Variants in POU5F1 observed in about 807,000 individuals in gnomAD.
POU5F1 encodes POU class 5 homeobox 1, also known as POU domain, class 5, transcription factor 1.
Under a neutral mutation model 38.3 loss-of-function variants are expected in POU5F1, and 6 were observed. That is an observed-to-expected ratio of 0.16 (90% CI 0.09 to 0.31). POU5F1 has a LOEUF of 0.31. Ranked by LOEUF, POU5F1 falls within the 10% of genes least tolerant of loss-of-function variation. The probability of loss-of-function intolerance (pLI) is 1.00; values close to 1 mark genes in which losing one functional copy is unlikely to be tolerated. For synonymous variants in POU5F1, 147 were observed against 194.9 expected (o/e 0.75, Z 2.05); for missense variants, 286 against 462.6 (o/e 0.62, Z 3.50).
chr6:31,169,915 G>A (rs1777535284), intron 1 of POU5F1: 3 of 535,246 alleles, frequency 5.6e-6, no homozygotes, highest in Middle Eastern at 5.0e-4. Context: ...TAGGAGATGT[G>A]AGAGACCCTG....
Position 31,165,515 on chromosome 6 carries a change from A to G in POU5F1, c.657+56T>C. On this transcript the variant is annotated intron_variant, in intron 3 of 4. Transcript: ENST00000259915. The surrounding 1 kb of genome is among the most constrained non-coding windows in gnomAD (Gnocchi z 6.5). ...AGAGCTACGAGCCAGTGATGGAAGC[A>G]ATGGAAATTAGGCCAAGAAAGGGAA... 6 of 1,611,166 alleles carry G rather than the reference A, an allele frequency of 3.7e-6. No individual in the cohort carries two copies. Among genetic ancestry groups the G allele is most frequent in the Admixed American group, 3.3e-5 (2 of 59,956 alleles).
In POU5F1 at chr6:31,165,473, C is replaced by A. The variant is rs1446066189; in HGVS notation, c.657+98G>T. The A allele has an allele frequency of 2.5e-6, 4 of 1,598,916 alleles. No homozygotes were observed. The Admixed American group carries it at 6.8e-5, about 27-fold the overall frequency. ...AATTTCACTCCATCCCACTGAGAAC[C>A]ACTGCACCAAAGACGGAGAGCTACG... On this transcript the variant is annotated intron_variant, in intron 3 of 4. Coordinates refer to ENST00000259915, the MANE Select transcript of POU5F1 (RefSeq NM_002701.6). This position sits in a 1 kb window ranked among gnomAD's most constrained non-coding sequence, Gnocchi z 6.5.
At position 31,165,961 on chromosome 6, in the gene POU5F1, C is replaced by T. The variant is rs1313084641; in HGVS notation, c.492G>A (p.Gln164=). Residue 164 remains glutamine (Q), a synonymous_variant, in exon 2 of 5, where the codon CAG becomes CAA. Coordinates refer to ENST00000259915, the MANE Select transcript of POU5F1 (RefSeq NM_002701.6). The surrounding 1 kb of genome is among the most constrained non-coding windows in gnomAD (Gnocchi z 6.5). ...CCCCCAGGGTGAGCCCCACATCGGC[C>T]TGTGTATATCCCAGGGTGATCCTCT... ...KQKRITLGYT[Q]ADVGLTLGVL... 1 of 1,614,198 alleles carries T rather than the reference C, an allele frequency of 6.2e-7. No individual in the cohort carries two copies. Among genetic ancestry groups the T allele is most frequent in the Non-Finnish European group, 8.5e-7 (1 of 1,180,030 alleles).
chr6:31,170,550 C>T lies in POU5F1; in HGVS notation c.71G>A (p.Gly24Glu). The stretch of plus-strand genomic sequence containing the variant: ...AGGATCAACCCAGCCCGGCTCCGGC[C>T]CCCCTGGCCCATCACCTCCACCACC... ...PPGGGGDGPGGPEPGWVDPRT... is the reference protein window; with the variant it reads ...PPGGGGDGPGEPEPGWVDPRT... Residue 24 changes from glycine to glutamate, a missense_variant, in exon 1 of 5, where the codon GGG (glycine) becomes GAG (glutamate). Gly to Glu is a moderately conservative substitution (Grantham distance 98, BLOSUM62 -2). Transcript: ENST00000259915. 1.3e-6 allele frequency: 2 copies of T among 1,571,040 alleles called. No individual in the cohort carries two copies. The highest frequency in any genetic ancestry group is 2.3e-5 in the East Asian group (1 of 42,636).
chr6:31,170,633 C>T lies in POU5F1; in HGVS notation c.-13G>A, dbSNP rs753905289. ...GGTGTCCCGCCATGGGGAAGGAAGG[C>T]GCCCCAAGCCGGGGGCCTGGTGAAA... is the stretch of plus-strand genomic sequence containing the variant. On this transcript the variant is annotated 5_prime_UTR_variant, in exon 1 of 5. Transcript: ENST00000259915. 21 of 1,542,478 alleles carry T rather than the reference C, an allele frequency of 1.4e-5. No homozygotes were observed. Among genetic ancestry groups the T allele is most frequent in the African/African-American group, 5.5e-5 (4 of 72,990 alleles).
rs758644856 is a variant in POU5F1, at chr6:31,170,426, C to CG, written c.194dup (p.Pro66AlafsTer3). ...CCATCCCCCCACAGAACTCATACGGCGGGGGGCATGGGGGAATCCCCCACA... is the reference window on the plus strand; with the variant it reads ...CCATCCCCCCACAGAACTCATACGGCGGGGGGGCATGGGGGAATCCCCCACA... On this transcript the variant is annotated frameshift_variant, in exon 1 of 5. Coordinates refer to ENST00000259915, the MANE Select transcript of POU5F1 (RefSeq NM_002701.6). LOFTEE classifies it high-confidence loss of function. 6.2e-7 allele frequency: 1 copy of CG among 1,611,870 alleles called. No individual in the cohort carries two copies. The highest frequency in any genetic ancestry group is 8.5e-7 in the Non-Finnish European group (1 of 1,179,616).
At chr6:31,166,114 T>C (rs1471798553) in intron 1 of POU5F1, 67 bp from the exon 2 acceptor site, 3 of 1,614,170 alleles carry the variant, frequency 1.9e-6, no homozygotes, top group Non-Finnish European at 2.5e-6. Flanking sequence ...CCCCTTTCCA[T>C]TCGGGATTCA....
At chr6:31,168,385 G>A (rs908032617) in intron 1 of POU5F1, among the ~76,000 whole-genome samples, 3 of 151,878 alleles carry the variant, frequency 2.0e-5, no homozygotes, top group Non-Finnish European at 4.4e-5. Flanking sequence ...ACAGGCATGC[G>A]TCACCACGCC....
At chr6:31,168,344 T>C (rs1450610556) in intron 1 of POU5F1, among the ~76,000 whole-genome samples, 1 of 151,616 alleles carries the variant, frequency 6.6e-6, no homozygotes, top group East Asian at 1.9e-4. Context: ...CAAGCGATTC[T>C]CCTGCCTCAG....
At position 31,165,434 on chromosome 6, in the gene POU5F1, CA is replaced by C. The variant is rs1218698243; in HGVS notation, c.657+136del. 5 of 1,568,976 alleles carry C rather than the reference CA, an allele frequency of 3.2e-6. No homozygotes were observed. Among genetic ancestry groups the C allele is most frequent in the Non-Finnish European group, 3.5e-6 (4 of 1,155,580 alleles). Reference sequence around the variant, plus strand: ...GAAGGGTTGGCTCTGGACCTTATCCCAGCAGAACTGAGGAATTTCACTCCAT... The same window carrying C: ...GAAGGGTTGGCTCTGGACCTTATCCCGCAGAACTGAGGAATTTCACTCCAT... On this transcript the variant is annotated intron_variant, in intron 3 of 4. Transcript: ENST00000259915. This position sits in a 1 kb window ranked among gnomAD's most constrained non-coding sequence, Gnocchi z 6.5.
At chr6:31,168,769 C>T (rs186055865) in intron 1 of POU5F1, among the ~76,000 whole-genome samples, 10 of 152,146 alleles carry the variant, frequency 6.6e-5, no homozygotes, top group East Asian at 1.9e-4. Context: ...ACAGAAAACG[C>T]GGTAGTCATC....
intron 1 of POU5F1, chr6:31,166,324 A>G (rs1252825210): frequency 5.5e-6 from 8 of 1,454,626 alleles, no homozygotes; most frequent in Non-Finnish European, 7.3e-6. Context: ...AAAGGACAGA[A>G]AGAGAGACCC....
At position 31,165,743 on chromosome 6, in the gene POU5F1, C is replaced by G. The variant is rs756724092; in HGVS notation, c.527-42G>C. The G allele has an allele frequency of 1.3e-6, 2 of 1,585,154 alleles. No individual in the cohort carries two copies. The highest frequency in any genetic ancestry group is 8.6e-7 in the Non-Finnish European group (1 of 1,164,660). On this transcript the variant is annotated intron_variant, in intron 2 of 4. Coordinates refer to ENST00000259915, the MANE Select transcript of POU5F1 (RefSeq NM_002701.6). The surrounding 1 kb of genome is among the most constrained non-coding windows in gnomAD (Gnocchi z 6.5). ...AAAAGAGAAGCAAAGTGAGGGAGCACGCAGGGCCCTTGTGACCCTGAGATC... is the reference window on the plus strand; with the variant it reads ...AAAAGAGAAGCAAAGTGAGGGAGCAGGCAGGGCCCTTGTGACCCTGAGATC...
intron 1 of POU5F1, chr6:31,167,035 CG>C: frequency 4.8e-6 from 3 of 621,146 alleles, no homozygotes; most frequent in Non-Finnish European, 8.4e-6. Flanking sequence ...AGAGATTTAT[CG>C]AGCACCTTCT....
At position 31,165,587 on chromosome 6, in the gene POU5F1, T is replaced by C; in HGVS notation, c.641A>G (p.Asn214Ser). 1 of 1,614,116 alleles carries C rather than the reference T, an allele frequency of 6.2e-7. No homozygotes were observed. Among genetic ancestry groups the C allele is most frequent in the Non-Finnish European group, 8.5e-7 (1 of 1,180,034 alleles). ...LQKWVEEADN[N>S]ENLQEICKAE... is the part of the protein sequence containing the mutation. ...CACCCTTACCTCCTGAAGATTTTCATTGTTGTCAGCTTCCTCCACCCACTT... is the reference window on the plus strand; with the variant it reads ...CACCCTTACCTCCTGAAGATTTTCACTGTTGTCAGCTTCCTCCACCCACTT... Residue 214 changes from asparagine (N) to serine (S), a missense_variant, in exon 3 of 5, where the codon AAT becomes AGT. By Grantham distance (46) the Asn-to-Ser change is conservative. Around this residue, in one of 2 missense-constraint regions of POU5F1, gnomAD observed 110 missense variants for 277.8 expected, o/e 0.40. Transcript: ENST00000259915. This position sits in a 1 kb window ranked among gnomAD's most constrained non-coding sequence, Gnocchi z 6.5.
chr6:31,170,542 G>A lies in POU5F1; in HGVS notation c.79C>T (p.Pro27Ser). The A allele has an allele frequency of 6.3e-7, 1 of 1,575,398 alleles. No homozygotes were observed. The highest frequency in any genetic ancestry group is 8.6e-7 in the Non-Finnish European group (1 of 1,161,310). Reference sequence around the variant, plus strand: ...CAGGTCCGAGGATCAACCCAGCCCGGCTCCGGCCCCCCTGGCCCATCACCT... The same window carrying A: ...CAGGTCCGAGGATCAACCCAGCCCGACTCCGGCCCCCCTGGCCCATCACCT... ...GGGDGPGGPE[P>S]GWVDPRTWLS... Residue 27 changes from proline (P) to serine (S), a missense_variant, in exon 1 of 5, where the codon CCG becomes TCG. Transcript: ENST00000259915.
chr6:31,167,128 G>T, intron 1 of POU5F1: 2 of 429,486 alleles, frequency 4.7e-6, no homozygotes, highest in Non-Finnish European at 8.8e-6. Context: ...TGTTCTTCAA[G>T]TTGCCCACTT....
intron 1 of POU5F1, among the ~76,000 whole-genome samples, chr6:31,168,455 G>C (rs1027085075): frequency 1.3e-5 from 2 of 152,096 alleles, no homozygotes; most frequent in African/African-American, 4.8e-5. Context: ...GGCTGGACTC[G>C]AACTCCCGAC....
rs1777151168 is a variant in POU5F1 at position 31,165,421 on chromosome 6, C to T, written c.658-135G>A. 6.4e-7 allele frequency: 1 copy of T among 1,564,248 alleles called. No homozygotes were observed. Among genetic ancestry groups the T allele is most frequent in the African/African-American group, 1.3e-5 (1 of 74,082 alleles). On this transcript the variant is annotated intron_variant, in intron 3 of 4. Transcript: ENST00000259915. The surrounding 1 kb of genome is among the most constrained non-coding windows in gnomAD (Gnocchi z 6.5). ...AGGCAGGATCCTGGAAGGGTTGGCT[C>T]TGGACCTTATCCCAGCAGAACTGAG...
Sources: gnomAD v4.1 joint callset for allele counts (sites outside exome capture counted in the v4.1 genomes callset) on GRCh38, gnomAD v4.1.1 for gene constraint, gnomAD v4.1.1 regional missense constraint, Gnocchi (gnomAD v3.1) non-coding constraint, MANE v1.5 for transcripts, NCBI Gene and HGNC (gene_info 2026-07-23, HGNC 2026-07-21) for gene names.